The following FAM124B variants were observed in gnomAD, a reference collection of about 807,000 sequenced individuals.
FAM124B encodes family with sequence similarity 124 member B, also known as protein FAM124B.
A neutral mutation model predicts 19.7 loss-of-function variants in FAM124B; 18 were observed. That is an observed-to-expected ratio of 0.92 (90% CI 0.63 to 1.36). The LOEUF (loss-of-function observed/expected upper bound fraction) is 1.36, where lower values mean the gene tolerates loss of function less well. Among genes scored for constraint, FAM124B ranks in the 40% most tolerant of loss-of-function variants. The probability of loss-of-function intolerance (pLI) is 0.00; values close to 1 mark genes in which losing one functional copy is unlikely to be tolerated. For missense variants in FAM124B, 540 were observed against 553.3 expected, an observed-to-expected ratio of 0.98 and a Z score of 0.24; for synonymous variants, 223 against 225.2, an observed-to-expected ratio of 0.99 and a Z score of 0.09.
intron 1 of FAM124B, among the ~76,000 whole-genome samples, chr2:224,391,284 T>C (rs1221546447): frequency 1.4e-5 from 2 of 145,394 alleles, no homozygotes; most frequent in African/African-American, 5.1e-5. Context: ...GAGGTTGCAA[T>C]GAGCTGAGAT....
intron 1 of FAM124B, among the ~76,000 whole-genome samples, chr2:224,393,736 T>C (rs535896346): frequency 5.9e-4 from 90 of 152,356 alleles, no homozygotes; most frequent in African/African-American, 2.1e-3. Flanking sequence ...GCTCTGAGAA[T>C]AGCGACATCT....
chr2:224,396,115 C>T (rs1689965144), intron 1 of FAM124B, among the ~76,000 whole-genome samples: 1 of 152,142 alleles, frequency 6.6e-6, no homozygotes, highest in African/African-American at 2.4e-5. Flanking sequence ...CAGGAGTGAG[C>T]CCAAAAAGTC....
chr2:224,383,962 TG>T (rs1250371005), intron 1 of FAM124B, among the ~76,000 whole-genome samples: 2 of 152,280 alleles, frequency 1.3e-5, no homozygotes, highest in African/African-American at 4.8e-5. Flanking sequence ...ACTTTGACTC[TG>T]GGGCTTGTAT....
In FAM124B at chr2:224,390,114, T is replaced by TACACACACACACAC. The variant is rs59825011; in HGVS notation, c.733-9920_733-9907dup. Among the ~76,000 whole-genome samples, 696 of 131,770 alleles carry TACACACACACACAC rather than the reference T, an allele frequency of 5.3e-3. 8 individuals carry two copies. The highest frequency in any genetic ancestry group is 0.019 in the Middle Eastern group (5 of 262). 86.4% of individuals were successfully genotyped at this position (131,770 alleles called of 152,430 possible). On this transcript the variant is annotated intron_variant, in intron 1 of 1. Transcript: ENST00000409685. ...GGAAAAAACAGTTGAGTCTTTGAAA[T>TACACACACACACAC]ACACACACACACACACACACACACA... is the stretch of plus-strand genomic sequence containing the variant.
At chr2:224,397,067 C>T (rs931261286) in intron 1 of FAM124B, among the ~76,000 whole-genome samples, 2 of 152,138 alleles carry the variant, frequency 1.3e-5, no homozygotes, top group South Asian at 2.1e-4. Context: ...TTCTTCTTTT[C>T]GAAACAGAGT....
chr2:224,380,325 A>C, intron 1 of FAM124B, 117 bp from the exon 2 acceptor site: 1 of 902,458 alleles, frequency 1.1e-6, no homozygotes, highest in Non-Finnish European at 1.7e-6. Context: ...CTTTCAGTAA[A>C]TTTGGTTGAA....
At chr2:224,385,525 G>A (rs567946118) in intron 1 of FAM124B, among the ~76,000 whole-genome samples, 14 of 152,264 alleles carry the variant, frequency 9.2e-5, no homozygotes, top group African/African-American at 1.2e-4. Context: ...TTCAGTTAGC[G>A]TCTAAATGAT....
intron 1 of FAM124B, among the ~76,000 whole-genome samples, chr2:224,387,710 G>A (rs1326012763): frequency 1.3e-5 from 2 of 152,074 alleles, no homozygotes; most frequent in Admixed American, 6.5e-5. Flanking sequence ...GTGTGTTGGG[G>A]GTGGGGTATG....
chr2:224,379,587 C>G lies in FAM124B; in HGVS notation c.1354G>C (p.Glu452Gln). Reference sequence around the variant, plus strand: ...TTTATTTTATGCTATATAAAGAATTCTTCTTCATCTTCTTCTTTTTCTTCA... The same window carrying G: ...TTTATTTTATGCTATATAAAGAATTGTTCTTCATCTTCTTCTTTTTCTTCA... ...QGEEKEEDEE[E>Q]FFI The change falls in exon 2 of 2, where the codon GAA becomes CAA. Residue 452 changes from glutamate to glutamine, a missense_variant. Glu to Gln is a conservative substitution (Grantham distance 29, BLOSUM62 2). Transcript: ENST00000409685. The G allele has an allele frequency of 1.3e-6, 2 of 1,537,272 alleles. No individual in the cohort carries two copies. The highest frequency in any genetic ancestry group is 1.8e-6 in the Non-Finnish European group (2 of 1,140,540).
Position 224,401,724 on chromosome 2 carries a change from A to G in FAM124B, c.45T>C (p.Leu15=). ...QGPLAMTVHL[L]ANSGHGSLLQ... ...GAAGGGAGCCGTGCCCAGAGTTGGC[A>G]AGAAGATGGACAGTCATGGCCAGAG... is the stretch of plus-strand genomic sequence containing the variant. The change falls in exon 1 of 2, where the codon CTT becomes CTC. Residue 15 remains leucine (L), a synonymous_variant. Transcript: ENST00000409685. The G allele has an allele frequency of 1.2e-6, 2 of 1,614,114 alleles. No homozygotes were observed. Among genetic ancestry groups the G allele is most frequent in the Non-Finnish European group, 1.7e-6 (2 of 1,180,042 alleles).
At chr2:224,386,828 T>C (rs1253428397) in intron 1 of FAM124B, among the ~76,000 whole-genome samples, 1 of 152,262 alleles carries the variant, frequency 6.6e-6, no homozygotes, top group African/African-American at 2.4e-5. Flanking sequence ...TATGAATTTT[T>C]GCACATAGAA....
chr2:224,384,472 C>A (rs1453500564), intron 1 of FAM124B, among the ~76,000 whole-genome samples: 1 of 152,230 alleles, frequency 6.6e-6, no homozygotes, highest in African/African-American at 2.4e-5. Context: ...CATCTACCTG[C>A]CCACATTTTC....
chr2:224,392,317 G>A lies in FAM124B; in HGVS notation c.732+8720C>T, dbSNP rs548155759. On this transcript the variant is annotated intron_variant, in intron 1 of 1. Transcript: ENST00000409685. ...AACTTATCCAGGCATGGTAATGCAC[G>A]CCTAGAGTTTCAGCTACTCAGGAGG... 1.1e-4 allele frequency among the ~76,000 whole-genome samples: 16 copies of A among 152,220 alleles called. No individual in the cohort carries two copies. In the South Asian group the frequency reaches 1.9e-3, roughly 18 times the overall value.
chr2:224,389,056 C>G (rs1174931009), intron 1 of FAM124B, among the ~76,000 whole-genome samples: 1 of 152,192 alleles, frequency 6.6e-6, no homozygotes, highest in South Asian at 2.1e-4. Flanking sequence ...CTCAGCCTCC[C>G]GTGTAGCTGG....
chr2:224,397,953 T>C (rs190736072), intron 1 of FAM124B, among the ~76,000 whole-genome samples: 77 of 152,330 alleles, frequency 5.1e-4, no homozygotes, highest in Non-Finnish European at 2.6e-4. Flanking sequence ...ACAAGCTCTC[T>C]TTGTCTGCCG....
At chr2:224,380,828 G>T (rs1689702587) in intron 1 of FAM124B, among the ~76,000 whole-genome samples, 3 of 152,122 alleles carry the variant, frequency 2.0e-5, no homozygotes, top group Non-Finnish European at 4.4e-5. Flanking sequence ...CAAAAAGGGG[G>T]CATGGCTTAT....
Position 224,401,193 on chromosome 2 carries a change from G to A in FAM124B, c.576C>T (p.Pro192=). The change falls in exon 1 of 2, where the codon CCC becomes CCT. Residue 192 remains proline, a synonymous_variant. Transcript: ENST00000409685. The stretch of plus-strand genomic sequence containing the variant: ...CTTTGGGGTCCACTGACATTCCCGG[G>A]GGCAGCTGCTTCAGGGAGAGCTGCA... ...FALQLSLKQL[P]PGMSVDPKES... 2.5e-6 allele frequency: 4 copies of A among 1,614,134 alleles called. No individual in the cohort carries two copies. The highest frequency in any genetic ancestry group is 2.2e-5 in the East Asian group (1 of 44,886).
chr2:224,401,024 A>C lies in FAM124B; in HGVS notation c.732+13T>G, dbSNP rs760584262. ...CATGAGCCTCTACAAGATCTGAGAC[A>C]AAACAGAAATACCTGAAGCAGAATC... is the stretch of plus-strand genomic sequence containing the variant. On this transcript the variant is annotated intron_variant, in intron 1 of 1. Transcript: ENST00000409685. 5.7e-6 allele frequency: 9 copies of C among 1,576,352 alleles called. No homozygotes were observed. Among genetic ancestry groups the C allele is most frequent in the Non-Finnish European group, 7.8e-6 (9 of 1,160,264 alleles).
chr2:224,380,988 G>A (rs1689704604), intron 1 of FAM124B, among the ~76,000 whole-genome samples: 1 of 152,018 alleles, frequency 6.6e-6, no homozygotes, highest in Non-Finnish European at 1.5e-5. Flanking sequence ...TCCACCCTTG[G>A]GAGCCTTGCA....
Sources: gnomAD v4.1 joint callset for allele counts (sites outside exome capture counted in the v4.1 genomes callset) on GRCh38, gnomAD v4.1.1 for gene constraint, MANE v1.5 for transcripts, NCBI Gene and HGNC (gene_info 2026-07-23, HGNC 2026-07-21) for gene names.